HDX: variants seen among roughly 807,000 people sequenced by gnomAD.
HDX encodes highly divergent homeobox.
HDX carries 19 observed loss-of-function variants against 45.2 expected under a neutral mutation model. The observed-to-expected ratio is 0.42, with a 90% CI of 0.29 to 0.62. The LOEUF (loss-of-function observed/expected upper bound fraction) is 0.62, where lower values mean the gene tolerates loss of function less well. Among genes scored for constraint, HDX ranks in the 20% least tolerant of loss-of-function variants. The probability of loss-of-function intolerance (pLI) is 0.20; values close to 1 mark genes in which losing one functional copy is unlikely to be tolerated. For missense variants in HDX, 532 were observed against 493.9 expected (o/e 1.08, Z -0.73); for synonymous variants, 188 against 172.8 (o/e 1.09, Z -0.69).
chrX:84,499,667 T>A (rs1221553434), intron 1 of HDX, among the ~76,000 whole-genome samples: 1 of 112,192 alleles, frequency 8.9e-6, no homozygotes, highest in African/African-American at 3.2e-5. Flanking sequence ...TTTTAATCTA[T>A]GTTTCTAAGT....
chrX:84,483,278 G>T (rs957916456), intron 2 of HDX, among the ~76,000 whole-genome samples: 1 of 112,131 alleles, frequency 8.9e-6, no homozygotes, highest in Non-Finnish European at 1.9e-5. Context: ...CTTCCACATT[G>T]CCCTAGCAGA....
intron 5 of HDX, among the ~76,000 whole-genome samples, chrX:84,387,600 T>C (rs955052675): frequency 6.2e-5 from 7 of 112,110 alleles, no homozygotes; most frequent in African/African-American, 2.3e-4. Context: ...TTAATTTTTG[T>C]TGGTTTAAAG....
intron 4 of HDX, among the ~76,000 whole-genome samples, chrX:84,460,605 A>G (rs1038845156): frequency 2.7e-5 from 3 of 111,940 alleles, no homozygotes; most frequent in Non-Finnish European, 3.8e-5. Flanking sequence ...CTGAATGGGG[A>G]CAAAATGAAA....
intron 1 of HDX, among the ~76,000 whole-genome samples, chrX:84,500,474 CA>C: frequency 9.3e-6 from 1 of 108,060 alleles, no homozygotes; most frequent in Non-Finnish European, 1.9e-5. Context: ...ACACACACAA[CA>C]ACAACAACAA....
intron 5 of HDX, among the ~76,000 whole-genome samples, chrX:84,407,183 G>A (rs188487902): frequency 9.0e-6 from 1 of 110,830 alleles, no homozygotes; most frequent in Non-Finnish European, 1.9e-5. Context: ...GTACCTGATA[G>A]GTAACTTGTC....
At chrX:84,352,951 C>T (rs761863118) in intron 6 of HDX, among the ~76,000 whole-genome samples, 3 of 110,045 alleles carry the variant, frequency 2.7e-5, no homozygotes, top group African/African-American at 6.6e-5. Context: ...CCATTTGGGT[C>T]ATAAAAGCTG....
At chrX:84,387,319 C>T (rs777508786) in intron 5 of HDX, among the ~76,000 whole-genome samples, 20 of 111,723 alleles carry the variant, frequency 1.8e-4, no homozygotes, top group African/African-American at 6.2e-4. Context: ...TCTGTGGTTG[C>T]TGGACGGAGT....
chrX:84,464,338 A>G (rs1228469760), intron 4 of HDX, among the ~76,000 whole-genome samples: 3 of 111,614 alleles, frequency 2.7e-5, no homozygotes, highest in East Asian at 5.6e-4. Flanking sequence ...TAAATTTCAT[A>G]TGGAACCAAA....
intron 5 of HDX, among the ~76,000 whole-genome samples, chrX:84,387,508 A>G (rs1038142655): frequency 2.7e-5 from 3 of 111,732 alleles, no homozygotes; most frequent in South Asian, 3.7e-4. Context: ...GAGTACTCCA[A>G]TGTTTGATCT....
chrX:84,396,134 G>A (rs946920870), intron 5 of HDX, among the ~76,000 whole-genome samples: 10 of 111,638 alleles, frequency 9.0e-5, no homozygotes, highest in Non-Finnish European at 1.3e-4. Context: ...GCATTTTCAC[G>A]TTCTCTATGT....
intron 7 of HDX, among the ~76,000 whole-genome samples, chrX:84,337,901 T>A (rs1243286817): frequency 9.0e-6 from 1 of 111,075 alleles, no homozygotes; most frequent in Non-Finnish European, 1.9e-5. Flanking sequence ...GCATGTATAA[T>A]CCCTTCTGTT....
rs182224720 is a variant in HDX at position 84,408,098 on chromosome X, T to G, written c.1305+32434A>C. On this transcript the variant is annotated intron_variant, in intron 5 of 10. Transcript: ENST00000373177. ...TTTTGTTACTATTGCTTTGGCCTTT[T>G]TGTCATGAAATCATTACCTGGCTCT... Among the ~76,000 whole-genome samples, 15 of 111,912 alleles carry G rather than the reference T, an allele frequency of 1.3e-4. No individual in the cohort carries two copies. The East Asian group carries it at 4.2e-3, about 31-fold the overall frequency.
At chrX:84,362,040 G>A (rs958743931) in intron 5 of HDX, among the ~76,000 whole-genome samples, 17 of 111,124 alleles carry the variant, frequency 1.5e-4, no homozygotes, top group African/African-American at 5.2e-4. Flanking sequence ...GCAAAGACAG[G>A]CTTATATTAG....
intron 5 of HDX, among the ~76,000 whole-genome samples, chrX:84,395,912 A>AT (rs950213039): frequency 1.0e-5 from 1 of 100,483 alleles, no homozygotes; most frequent in African/African-American, 3.5e-5. Context: ...TAGTCCCAGA[A>AT]TTTTTTTAAT....
chrX:84,356,562 C>A (rs1426950877), intron 6 of HDX, among the ~76,000 whole-genome samples: 1 of 106,710 alleles, frequency 9.4e-6, no homozygotes, highest in Non-Finnish European at 1.9e-5. Flanking sequence ...AGTAAGTGTG[C>A]CTAAAATCTC....
intron 5 of HDX, among the ~76,000 whole-genome samples, chrX:84,437,543 T>C (rs1269646525): frequency 9.0e-6 from 1 of 111,297 alleles, no homozygotes; most frequent in Non-Finnish European, 1.9e-5. Flanking sequence ...ACTTCTGTGG[T>C]GTTATTTTCA....
At chrX:84,464,700 A>C (rs1316429666) in intron 4 of HDX, among the ~76,000 whole-genome samples, 1 of 112,023 alleles carries the variant, frequency 8.9e-6, no homozygotes, top group Admixed American at 9.5e-5. Flanking sequence ...ACTAAAACGT[A>C]AGACCTAAAA....
chrX:84,361,296 C>T (rs1870527857), intron 6 of HDX, among the ~76,000 whole-genome samples, 170 bp downstream of exon 6: 1 of 111,756 alleles, frequency 8.9e-6, no homozygotes, highest in African/African-American at 3.2e-5. Context: ...TTCTTTACAT[C>T]CTTTGATACA....
chrX:84,493,494 A>G lies in HDX; in HGVS notation c.-109-5362T>C, dbSNP rs777718454. Among the ~76,000 whole-genome samples, 3 of 112,176 alleles carry G rather than the reference A, an allele frequency of 2.7e-5. No individual in the cohort carries two copies. The South Asian group carries it at 1.1e-3, about 41-fold the overall frequency. ...ACATATTCATAGTGACATGAACACAAATTGCAAGAAAATTTTATGTACACA... is the reference window on the plus strand; with the variant it reads ...ACATATTCATAGTGACATGAACACAGATTGCAAGAAAATTTTATGTACACA... On this transcript the variant is annotated intron_variant, in intron 1 of 10. Transcript: ENST00000373177.
Sources: gnomAD v4.1 joint callset for allele counts (sites outside exome capture counted in the v4.1 genomes callset) on GRCh38, gnomAD v4.1.1 for gene constraint, MANE v1.5 for transcripts, NCBI Gene and HGNC (gene_info 2026-07-23, HGNC 2026-07-21) for gene names.